Variants in USP15 observed in about 807,000 individuals in gnomAD.
USP15 encodes the protein ubiquitin carboxyl-terminal hydrolase 15.
Under a neutral mutation model 127.1 loss-of-function variants are expected in USP15, and 18 were observed. The observed-to-expected ratio is 0.14, with a 90% confidence interval of 0.10 to 0.21. The LOEUF (loss-of-function observed/expected upper bound fraction) is 0.21. USP15 is among the 10% of genes least tolerant of loss of function. The probability of loss-of-function intolerance (pLI) is 1.00; values close to 1 mark genes in which losing one functional copy is unlikely to be tolerated. For missense variants in USP15, 805 were observed against 1,159.9 expected, an observed-to-expected ratio of 0.69 and a Z score of 4.44; for synonymous variants, 364 against 393.7, an observed-to-expected ratio of 0.92 and a Z score of 0.89.
intron 21 of USP15, among the ~76,000 whole-genome samples, chr12:62,401,783 G>GT (rs949999921): frequency 1.3e-5 from 2 of 151,202 alleles, no homozygotes; most frequent in African/African-American, 4.9e-5. Flanking sequence ...TTTCTGAATA[G>GT]TAAAAAAAAT....
At chr12:62,395,088 A>G (rs1468931185) in intron 19 of USP15, among the ~76,000 whole-genome samples, 1 of 152,172 alleles carries the variant, frequency 6.6e-6, no homozygotes, top group African/African-American at 2.4e-5. Flanking sequence ...AAGACAGCAA[A>G]TGTAGAATAA....
intron 3 of USP15, among the ~76,000 whole-genome samples, chr12:62,307,912 A>G (rs565009146): frequency 6.6e-6 from 1 of 152,312 alleles, no homozygotes; most frequent in South Asian, 2.1e-4. Context: ...TGAGTACAAT[A>G]TGATAAGCTA....
In USP15 at chr12:62,311,928, A is replaced by G. The variant is rs557437382; in HGVS notation, c.349-2862A>G. On this transcript the variant is annotated intron_variant, in intron 3 of 21. Transcript: ENST00000280377. ...ATTAATTGATTAGTTTTAATTTTTT[A>G]GGTGTGATGATGGTATTGTGGTTAT... is the stretch of plus-strand genomic sequence containing the variant. Among the ~76,000 whole-genome samples, 78 of 151,888 alleles carry G rather than the reference A, an allele frequency of 5.1e-4. 1 individual carries two copies. Among genetic ancestry groups the G allele is most frequent in the African/African-American group, 1.9e-3 (77 of 41,520 alleles).
At chr12:62,357,057 T>C (rs1489189986) in intron 8 of USP15, among the ~76,000 whole-genome samples, 1 of 152,050 alleles carries the variant, frequency 6.6e-6, no homozygotes, top group African/African-American at 2.4e-5. Context: ...GAGTTTTTTT[T>C]CCTAGTTTAG....
intron 8 of USP15, among the ~76,000 whole-genome samples, chr12:62,375,064 A>G (rs2066783731): frequency 6.6e-6 from 1 of 152,126 alleles, no homozygotes; most frequent in Admixed American, 6.6e-5. Flanking sequence ...ATATTGAACC[A>G]TATCACAGAG....
intron 6 of USP15, among the ~76,000 whole-genome samples, chr12:62,344,561 A>G (rs1225616272): frequency 1.3e-5 from 2 of 152,148 alleles, no homozygotes; most frequent in East Asian, 3.9e-4. Flanking sequence ...GGTCTGGAGG[A>G]CAGCGGCCCT....
Position 62,405,279 on chromosome 12 carries a change from A to T in USP15, c.*904A>T, listed in dbSNP as rs553360890. On this transcript the variant is annotated 3_prime_UTR_variant, in exon 22 of 22. Transcript: ENST00000280377. The stretch of plus-strand genomic sequence containing the variant: ...ACAGACATAATAGTATTCTGTACCC[A>T]TAGTAATAATTGCATCAAGCTTAGA... 6.6e-5 allele frequency: 10 copies of T among 152,114 alleles called. No individual in the cohort carries two copies. Among genetic ancestry groups the T allele is most frequent in the African/African-American group, 2.2e-4 (9 of 41,422 alleles). The allele number at this position is 152,114 out of a possible 1,614,324, so 9.4% of individuals were successfully genotyped here. A position where few individuals can be genotyped will look rare whatever the true frequency, so the allele number is the denominator to read the frequency against.
chr12:62,404,053 G>T, intron 21 of USP15, 140 bp from the exon 22 acceptor site: 2 of 1,050,558 alleles, frequency 1.9e-6, no homozygotes, highest in South Asian at 2.9e-5. Context: ...ATGAATTTTA[G>T]TAACTTCCAT....
chr12:62,315,892 AATGTTT>A (rs2137256286), intron 4 of USP15, among the ~76,000 whole-genome samples: 1 of 152,294 alleles, frequency 6.6e-6, no homozygotes, highest in South Asian at 2.1e-4. Flanking sequence ...GGTTAATCCT[AATGTTT>A]GCACCAAATA....
intron 6 of USP15, among the ~76,000 whole-genome samples, chr12:62,348,638 A>G (rs55718649): frequency 0.077 from 11,665 of 152,282 alleles, 583 homozygotes; most frequent in Middle Eastern, 0.16. Context: ...TTGATTAAAA[A>G]CCAATAGTAA....
intron 9 of USP15, 81 bp downstream of exon 9, chr12:62,381,744 T>C: frequency 7.2e-7 from 1 of 1,386,294 alleles, no homozygotes; most frequent in Non-Finnish European, 9.8e-7. Context: ...GAGTGAAAAA[T>C]AGTAGCTATT....
rs1022942722 is a variant in USP15 at position 62,338,602 on chromosome 12, G to A, written c.684-10619G>A. On this transcript the variant is annotated intron_variant, in intron 6 of 21. Transcript: ENST00000280377. Reference sequence around the variant, plus strand: ...CTAGGTTTTCTTCTAGGTTTTTATGGTTTTGGGTTTTACATTTAAGTCTTT... The same window carrying A: ...CTAGGTTTTCTTCTAGGTTTTTATGATTTTGGGTTTTACATTTAAGTCTTT... 7.9e-5 allele frequency among the ~76,000 whole-genome samples: 12 copies of A among 152,080 alleles called. 1 individual carries two copies. Among genetic ancestry groups the A allele is most frequent in the Admixed American group, 7.2e-4 (11 of 15,278 alleles).
rs74095744 is a variant in USP15 at position 62,390,526 on chromosome 12, A to T, written c.1845-338A>T. 3.9e-5 allele frequency among the ~76,000 whole-genome samples: 6 copies of T among 152,130 alleles called. No individual in the cohort carries two copies. In the East Asian group the frequency reaches 1.2e-3, roughly 29 times the overall value. On this transcript the variant is annotated intron_variant, in intron 14 of 21. Coordinates refer to ENST00000280377, the MANE Select transcript of USP15 (RefSeq NM_001252078.2). ...ATTCTTTCTTGCATATCTAATTATT[A>T]TAGTTTCATAACCCATATATAAAGA...
intron 6 of USP15, 104 bp from the exon 7 acceptor site, chr12:62,349,117 C>T: frequency 1.7e-6 from 1 of 605,096 alleles, no homozygotes; most frequent in Non-Finnish European, 2.5e-6. Flanking sequence ...ATCTATTTTT[C>T]AGCATTCATT....
intron 20 of USP15, among the ~76,000 whole-genome samples, chr12:62,399,167 A>G (rs1261383819): frequency 6.6e-6 from 1 of 152,360 alleles, no homozygotes; most frequent in East Asian, 1.9e-4. Flanking sequence ...ACAAACTCAC[A>G]GCACGCAAAA....
At chr12:62,346,439 C>T (rs1234762742) in intron 6 of USP15, among the ~76,000 whole-genome samples, 1 of 152,116 alleles carries the variant, frequency 6.6e-6, no homozygotes, top group Non-Finnish European at 1.5e-5. Context: ...ATTTAAATAA[C>T]ACTTTGATAT....
chr12:62,309,768 C>A (rs2064601077), intron 3 of USP15, among the ~76,000 whole-genome samples: 1 of 151,416 alleles, frequency 6.6e-6, no homozygotes, highest in Non-Finnish European at 1.5e-5. Context: ...ATAATTTTAG[C>A]AGACTAAAGG....
At chr12:62,325,669 C>T (rs1159031098) in intron 5 of USP15, among the ~76,000 whole-genome samples, 1 of 152,066 alleles carries the variant, frequency 6.6e-6, no homozygotes, top group East Asian at 1.9e-4. Flanking sequence ...ACTATCATTA[C>T]TGATTTCTTG....
chr12:62,303,001 A>G, intron 3 of USP15, 81 bp downstream of exon 3: 1 of 1,485,294 alleles, frequency 6.7e-7, no homozygotes, highest in Admixed American at 1.9e-5. Flanking sequence ...TGAATTGTGA[A>G]GTTTCATCAC....
Sources: gnomAD v4.1 joint callset for allele counts (sites outside exome capture counted in the v4.1 genomes callset) on GRCh38, gnomAD v4.1.1 for gene constraint, MANE v1.5 for transcripts, NCBI Gene and HGNC (gene_info 2026-07-23, HGNC 2026-07-21) for gene names.